IGSF21: variants seen among roughly 807,000 people sequenced by gnomAD.
The protein encoded by IGSF21 is immunoglobulin superfamily member 21.
IGSF21 carries 28 observed loss-of-function variants against 46.8 expected under a neutral mutation model. That is an observed-to-expected ratio of 0.60 (90% CI 0.44 to 0.82). The LOEUF is 0.82. IGSF21 is among the 40% of genes least tolerant of loss of function. The pLI, the probability that IGSF21 is intolerant of heterozygous loss-of-function variation, is 0.00. For synonymous variants in IGSF21, 284 were observed against 273.6 expected (o/e 1.04, Z -0.38); for missense variants, 624 against 665.5 (o/e 0.94, Z 0.69).
rs539983006 is a variant in IGSF21 at position 18,176,010 on chromosome 1, C to T, written c.71-51888C>T. On this transcript the variant is annotated intron_variant, in intron 1 of 9. Transcript: ENST00000251296. ...CCCTGGGCATGCCGCTGGATGTGAG[C>T]TCATTGTACCCTCTGCCTTGTGAAG... 3.3e-5 allele frequency: 5 copies of T among 152,326 alleles called. No individual in the cohort carries two copies. The South Asian group carries it at 1.0e-3, about 32-fold the overall frequency. 9.4% of individuals were successfully genotyped at this position (152,326 alleles called of 1,614,324 possible).
intron 2 of IGSF21, among the ~76,000 whole-genome samples, chr1:18,233,774 A>G (rs911031125): frequency 2.0e-5 from 3 of 152,140 alleles, no homozygotes; most frequent in African/African-American, 7.2e-5. Flanking sequence ...GGGCAGAGAC[A>G]ACGCTTTAAA....
intron 2 of IGSF21, among the ~76,000 whole-genome samples, chr1:18,242,342 C>T (rs145752195): frequency 6.6e-5 from 10 of 152,332 alleles, no homozygotes; most frequent in Admixed American, 2.0e-4. Context: ...AAATGTCTAG[C>T]AAAACCGTCC....
At chr1:18,205,823 G>A (rs1028563606) in intron 1 of IGSF21, among the ~76,000 whole-genome samples, 1 of 152,188 alleles carries the variant, frequency 6.6e-6, no homozygotes, top group African/African-American at 2.4e-5. Flanking sequence ...TTCTACCTAC[G>A]GGGTTCTTTT....
At position 18,107,910 on chromosome 1, in the gene IGSF21, G is replaced by T. The variant is rs948987133; in HGVS notation, c.-219G>T. ...CGAGCCCCGAGGACGCCCAGAGCGC[G>T]AGGGTCGCTGCGCCTCGCAGAGCCG... On this transcript the variant is annotated 5_prime_UTR_variant, in exon 1 of 10. Coordinates refer to ENST00000251296, the MANE Select transcript of IGSF21 (RefSeq NM_032880.5). 340 of 179,230 alleles carry T rather than the reference G, an allele frequency of 1.9e-3. 2 individuals carry two copies. The highest frequency in any genetic ancestry group is 7.5e-3 in the African/African-American group (317 of 42,024). The allele number at this position is 179,230 out of a possible 1,614,324, so 11.1% of individuals were successfully genotyped here. A position where few individuals can be genotyped will look rare whatever the true frequency, so the allele number is the denominator to read the frequency against.
chr1:18,253,003 T>C (rs2084857370), intron 2 of IGSF21, among the ~76,000 whole-genome samples: 5 of 152,138 alleles, frequency 3.3e-5, no homozygotes, highest in Admixed American at 3.3e-4. Context: ...GAAGAAACGC[T>C]GAGCCTCCTC....
At chr1:18,141,016 C>T (rs1345805452) in intron 1 of IGSF21, among the ~76,000 whole-genome samples, 1 of 152,194 alleles carries the variant, frequency 6.6e-6, no homozygotes, top group Admixed American at 6.5e-5. Flanking sequence ...GGCTTAGCAT[C>T]CATCTGAGGA....
chr1:18,154,969 G>C (rs781299569), intron 1 of IGSF21, among the ~76,000 whole-genome samples: 7 of 152,064 alleles, frequency 4.6e-5, no homozygotes, highest in Non-Finnish European at 1.0e-4. Flanking sequence ...GAGGGGAGCA[G>C]GGGCTAGGCA....
Position 18,140,552 on chromosome 1 carries a change from C to T in IGSF21, c.70+32354C>T, listed in dbSNP as rs576068923. On this transcript the variant is annotated intron_variant, in intron 1 of 9. Coordinates refer to ENST00000251296, the MANE Select transcript of IGSF21 (RefSeq NM_032880.5). ...GCCGCATATGCATGCTCCATGGAAGCGGGCACTCCCACATCGTGGCTCCAG... is the reference window on the plus strand; with the variant it reads ...GCCGCATATGCATGCTCCATGGAAGTGGGCACTCCCACATCGTGGCTCCAG... Among the ~76,000 whole-genome samples, 5 of 152,316 alleles carry T rather than the reference C, an allele frequency of 3.3e-5. No homozygotes were observed. In the East Asian group the frequency reaches 5.8e-4, roughly 18 times the overall value.
At chr1:18,229,237 T>TG (rs1486945522) in intron 2 of IGSF21, among the ~76,000 whole-genome samples, 3 of 151,934 alleles carry the variant, frequency 2.0e-5, no homozygotes, top group South Asian at 2.1e-4. Context: ...GCAAGGAAGG[T>TG]GGGGGGTGGG....
intron 1 of IGSF21, among the ~76,000 whole-genome samples, chr1:18,132,343 T>G (rs1035298837): frequency 6.6e-6 from 1 of 152,212 alleles, no homozygotes; most frequent in South Asian, 2.1e-4. Context: ...GTCAGCCCTG[T>G]GGGCATAGGG....
chr1:18,365,818 G>C lies in IGSF21; in HGVS notation c.1015+121G>C. On this transcript the variant is annotated intron_variant, in intron 6 of 9. Coordinates refer to ENST00000251296, the MANE Select transcript of IGSF21 (RefSeq NM_032880.5). The surrounding 1 kb of genome is among the most constrained non-coding windows in gnomAD (Gnocchi z 4.8). ...AAGGGGGAGGAGATGGAGCAAACTG[G>C]AGTCAGGATGAGCACAAATGGTAGA... 1 of 769,652 alleles carries C rather than the reference G, an allele frequency of 1.3e-6. No homozygotes were observed. The highest frequency in any genetic ancestry group is 2.1e-6 in the Non-Finnish European group (1 of 483,480). 47.7% of individuals were successfully genotyped at this position (769,652 alleles called of 1,614,324 possible). A position where few individuals can be genotyped will look rare whatever the true frequency, so the allele number is the denominator to read the frequency against.
intron 6 of IGSF21, among the ~76,000 whole-genome samples, chr1:18,371,836 A>G (rs2086227999): frequency 6.6e-6 from 1 of 152,104 alleles, no homozygotes; most frequent in Non-Finnish European, 1.5e-5. Flanking sequence ...TTTCTTACAT[A>G]ACTCATTTCC....
At chr1:18,225,255 A>G (rs2084554413) in intron 1 of IGSF21, among the ~76,000 whole-genome samples, 1 of 151,786 alleles carries the variant, frequency 6.6e-6, no homozygotes, top group South Asian at 2.1e-4. Context: ...ATTCACCTCT[A>G]AGACTGAGTG....
intron 2 of IGSF21, among the ~76,000 whole-genome samples, chr1:18,282,193 G>A (rs556841907): frequency 6.7e-6 from 1 of 148,836 alleles, no homozygotes; most frequent in East Asian, 1.9e-4. Context: ...GTATCCGGTT[G>A]TGGTTCCTGA....
At chr1:18,308,289 C>T (rs2085447916) in intron 3 of IGSF21, among the ~76,000 whole-genome samples, 1 of 152,204 alleles carries the variant, frequency 6.6e-6, no homozygotes, top group African/African-American at 2.4e-5. Context: ...GCCAGCCTTT[C>T]CAAGTGCAGC....
At chr1:18,319,513 G>A (rs2085579706) in intron 3 of IGSF21, among the ~76,000 whole-genome samples, 3 of 151,784 alleles carry the variant, frequency 2.0e-5, no homozygotes, top group Admixed American at 6.6e-5. Flanking sequence ...GTAAGCCCGT[G>A]AAGATGAAAC....
chr1:18,158,480 T>C (rs1277401708), intron 1 of IGSF21, among the ~76,000 whole-genome samples: 1 of 152,170 alleles, frequency 6.6e-6, no homozygotes, highest in Non-Finnish European at 1.5e-5. Flanking sequence ...ACAGGACATC[T>C]GAGTCACTTC....
At chr1:18,260,049 G>A (rs548284891) in intron 2 of IGSF21, among the ~76,000 whole-genome samples, 6 of 152,186 alleles carry the variant, frequency 3.9e-5, no homozygotes, top group East Asian at 1.9e-4. Flanking sequence ...CCCCCTCATC[G>A]TTTGGAGAGG....
intron 1 of IGSF21, among the ~76,000 whole-genome samples, chr1:18,225,124 CACACAA>C (rs748107715): frequency 2.9e-5 from 4 of 136,960 alleles, no homozygotes; most frequent in Middle Eastern, 4.0e-3. Flanking sequence ...CACACACACA[CACACAA>C]AGAAATCATG....
Sources: allele counts gnomAD v4.1 joint callset (sites outside exome capture counted in the v4.1 genomes callset), GRCh38; gene constraint gnomAD v4.1.1; non-coding constraint Gnocchi (gnomAD v3.1); transcripts MANE v1.5; gene names NCBI Gene and HGNC (gene_info 2026-07-23, HGNC 2026-07-21).